GALNT2: variants seen among roughly 807,000 people sequenced by gnomAD.
The protein encoded by GALNT2 is UDP-GalNAc:polypeptide N-acetylgalactosaminyltransferase 2.
A neutral mutation model predicts 81.4 loss-of-function variants in GALNT2; 31 were observed. The observed-to-expected ratio is 0.38, with a 90% CI of 0.29 to 0.51. The LOEUF (loss-of-function observed/expected upper bound fraction) is 0.51. GALNT2 is among the 20% of genes least tolerant of loss of function. The probability of loss-of-function intolerance (pLI) is 0.87; values close to 1 mark genes in which losing one functional copy is unlikely to be tolerated. For synonymous variants in GALNT2, 303 were observed against 287.4 expected (o/e 1.05, Z -0.55); for missense variants, 629 against 765.7 (o/e 0.82, Z 2.11).
At position 230,249,243 on chromosome 1, in the gene GALNT2, C is replaced by T. The variant is rs773042550; in HGVS notation, c.877C>T (p.Arg293Trp). ...CATGACGCCTGAGCAGAGAAGGTCC[C>T]GGCAGGGGAACCCAGTCGCCCCTAT... ...DYMTPEQRRS[R>W]QGNPVAPIKT... Residue 293 changes from arginine (R) to tryptophan (W), a missense_variant, in exon 9 of 16, where the codon CGG (arginine) becomes TGG (tryptophan). Physicochemically the swap from Arg to Trp is moderately radical, Grantham distance 101 (BLOSUM62 -3). Transcript: ENST00000366672. 3.1e-6 allele frequency: 5 copies of T among 1,614,126 alleles called. No individual in the cohort carries two copies. The South Asian group carries it at 3.3e-5, about 11-fold the overall frequency.
intron 1 of GALNT2, among the ~76,000 whole-genome samples, chr1:230,168,359 T>C (rs1044813892): frequency 5.9e-5 from 9 of 152,216 alleles, no homozygotes; most frequent in African/African-American, 2.2e-4. Flanking sequence ...TTGTGCTCGC[T>C]TTCTCTGGGC....
chr1:230,159,939 G>A (rs905484812), intron 1 of GALNT2, among the ~76,000 whole-genome samples: 1 of 152,180 alleles, frequency 6.6e-6, no homozygotes, highest in Non-Finnish European at 1.5e-5. Context: ...TTCTGGGACT[G>A]CCAAGAGTTG....
intron 3 of GALNT2, among the ~76,000 whole-genome samples, chr1:230,204,911 G>A (rs571019215): frequency 1.3e-5 from 2 of 152,286 alleles, no homozygotes; most frequent in South Asian, 2.1e-4. Flanking sequence ...AAGTGAGGTC[G>A]TGTAGCTCCA....
intron 3 of GALNT2, among the ~76,000 whole-genome samples, chr1:230,212,433 G>C (rs904674101): frequency 2.0e-5 from 3 of 152,212 alleles, no homozygotes; most frequent in Non-Finnish European, 2.9e-5. Context: ...TCTTTTTCCA[G>C]CTTCAGATTC....
chr1:230,223,130 T>C (rs112395209), intron 3 of GALNT2, among the ~76,000 whole-genome samples: 44 of 152,210 alleles, frequency 2.9e-4, no homozygotes, highest in African/African-American at 1.0e-3. Context: ...TTAGAAGATA[T>C]ATATTCATGG....
At chr1:230,090,327 G>T (rs1660032930) in intron 1 of GALNT2, among the ~76,000 whole-genome samples, 1 of 152,178 alleles carries the variant, frequency 6.6e-6, no homozygotes, top group African/African-American at 2.4e-5. Flanking sequence ...CTTATCTTCT[G>T]GGGGAAAATA....
chr1:230,176,979 G>A (rs764749780), intron 1 of GALNT2, among the ~76,000 whole-genome samples: 2 of 152,146 alleles, frequency 1.3e-5, no homozygotes, highest in African/African-American at 4.8e-5. Context: ...CCATTTTCAC[G>A]GCAGCCCTGA....
At chr1:230,184,373 T>C (rs1435542136) in intron 2 of GALNT2, among the ~76,000 whole-genome samples, 1 of 151,952 alleles carries the variant, frequency 6.6e-6, no homozygotes, top group Non-Finnish European at 1.5e-5. Flanking sequence ...ATTTTTTTAG[T>C]AGAGATGGGG....
At chr1:230,192,141 G>T (rs1229760925) in intron 2 of GALNT2, among the ~76,000 whole-genome samples, 2 of 152,222 alleles carry the variant, frequency 1.3e-5, no homozygotes, top group Non-Finnish European at 2.9e-5. Flanking sequence ...AGGCATGCAG[G>T]GTTGCTTTTT....
In GALNT2 at chr1:230,198,630, C is replaced by T. The variant is rs116018229; in HGVS notation, c.221-4507C>T. On this transcript the variant is annotated intron_variant, in intron 2 of 15. Transcript: ENST00000366672. ...CACCTGAGGGTTTGACTGGGACTAG[C>T]GCAGACCTCATTCCAGCCCAGGTAG... Among the ~76,000 whole-genome samples the T allele has an allele frequency of 4.9e-3, 739 of 152,262 alleles. 7 individuals carry two copies. Among genetic ancestry groups the T allele is most frequent in the African/African-American group, 0.017 (707 of 41,556 alleles).
intron 3 of GALNT2, among the ~76,000 whole-genome samples, chr1:230,234,440 G>A (rs1331387698): frequency 1.3e-5 from 2 of 152,142 alleles, no homozygotes; most frequent in African/African-American, 4.8e-5. Context: ...TTCAATTCCG[G>A]TGCCAGTGTG....
In GALNT2 at chr1:230,275,678, A is replaced by C. The variant is rs1327695416; in HGVS notation, c.1560+1114A>C. Among the ~76,000 whole-genome samples the C allele has an allele frequency of 7.0e-6, 1 of 143,292 alleles. No homozygotes were observed. The highest frequency in any genetic ancestry group is 2.7e-5 in the African/African-American group (1 of 36,446). The allele number at this position is 143,292 out of a possible 152,430, so 94.0% of individuals were successfully genotyped here. On this transcript the variant is annotated intron_variant, in intron 15 of 15. Transcript: ENST00000366672. The surrounding 1 kb of genome is among the most constrained non-coding windows in gnomAD (Gnocchi z 5.5). ...CACAACATATATACATGCCACATGT[A>C]TACATATGTAAACACCACATATATA...
chr1:230,090,721 T>C (rs1289097730), intron 1 of GALNT2, among the ~76,000 whole-genome samples: 3 of 152,242 alleles, frequency 2.0e-5, no homozygotes, highest in Admixed American at 6.5e-5. Flanking sequence ...TTTGCAGAAA[T>C]AGTTGAAGCT....
chr1:230,150,022 A>G (rs918491842), intron 1 of GALNT2, among the ~76,000 whole-genome samples: 6 of 152,230 alleles, frequency 3.9e-5, no homozygotes, highest in African/African-American at 1.4e-4. Flanking sequence ...TAATTATACC[A>G]TAATAGAGGT....
At chr1:230,255,505 G>C in intron 11 of GALNT2, 161 bp downstream of exon 11, 1 of 938,018 alleles carries the variant, frequency 1.1e-6, no homozygotes, top group East Asian at 2.7e-5. Context: ...CACGGATGCA[G>C]GATACAACCT....
chr1:230,164,576 C>A (rs1662542719), intron 1 of GALNT2, among the ~76,000 whole-genome samples: 1 of 151,720 alleles, frequency 6.6e-6, no homozygotes, highest in Non-Finnish European at 1.5e-5. Flanking sequence ...CTCTGTCGCC[C>A]AGGCTGGAGT....
rs1659346627 is a variant in GALNT2 at position 230,070,713 on chromosome 1, G to T, written c.126+3307G>T. On this transcript the variant is annotated intron_variant, in intron 1 of 15. Transcript: ENST00000366672. This position sits in a 1 kb window ranked among gnomAD's most constrained non-coding sequence, Gnocchi z 4.7. ...AGGAATCATGCGGGGAGGCGGGCAG[G>T]TTATTTCTTGGAACAGTGAAGGACC... is the stretch of plus-strand genomic sequence containing the variant. Among the ~76,000 whole-genome samples the T allele has an allele frequency of 6.6e-6, 1 of 152,180 alleles. No individual in the cohort carries two copies.
Position 230,062,154 on chromosome 1 carries a change from A to C in GALNT2, n.89+4076A>C, listed in dbSNP as rs372115560. On this transcript the variant is annotated intron_variant and non_coding_transcript_variant, in intron 1 of 6. Transcript: ENST00000494106. ...GTAGTTTTAATTTACAACTCTATTAAGAGCAAAGTTTAATGTCTTTCCATA... is the reference window on the plus strand; with the variant it reads ...GTAGTTTTAATTTACAACTCTATTACGAGCAAAGTTTAATGTCTTTCCATA... Among the ~76,000 whole-genome samples, 328 of 152,334 alleles carry C rather than the reference A, an allele frequency of 2.2e-3. 2 individuals carry two copies. Among genetic ancestry groups the C allele is most frequent in the African/African-American group, 7.6e-3 (317 of 41,576 alleles).
chr1:230,211,025 G>A, intron 3 of GALNT2, among the ~76,000 whole-genome samples: 1 of 152,294 alleles, frequency 6.6e-6, no homozygotes, highest in East Asian at 1.9e-4. Flanking sequence ...TTTCTTTTTA[G>A]GGGGGCAGAA....
Sources: allele counts gnomAD v4.1 joint callset (sites outside exome capture counted in the v4.1 genomes callset), GRCh38; gene constraint gnomAD v4.1.1; non-coding constraint Gnocchi (gnomAD v3.1); transcripts MANE v1.5; gene names NCBI Gene and HGNC (gene_info 2026-07-23, HGNC 2026-07-21).